Variants in TECPR2 observed in about 807,000 individuals in gnomAD.
TECPR2 encodes tectonin beta-propeller repeat-containing protein 2.
In TECPR2, 65 loss-of-function variants were observed where a neutral mutation model predicts 138.1. That is an observed-to-expected ratio of 0.47 (90% CI 0.39 to 0.58). The LOEUF is 0.58. TECPR2 is among the 20% of genes least tolerant of loss of function. The pLI, the probability that TECPR2 is intolerant of heterozygous loss-of-function variation, is 0.00. For synonymous variants in TECPR2, 746 were observed against 749.8 expected, an observed-to-expected ratio of 0.99 and a Z score of 0.08; for missense variants, 1,553 against 1,824.5, an observed-to-expected ratio of 0.85 and a Z score of 2.71.
intron 17 of TECPR2, among the ~76,000 whole-genome samples, chr14:102,472,439 A>G (rs1448363328): frequency 1.3e-5 from 2 of 152,224 alleles, no homozygotes; most frequent in Non-Finnish European, 2.9e-5. Flanking sequence ...ACAAATTCAC[A>G]TGAAAGGACC....
chr14:102,453,314 A>C (rs993239810), intron 16 of TECPR2, among the ~76,000 whole-genome samples: 1 of 152,018 alleles, frequency 6.6e-6, no homozygotes, highest in Non-Finnish European at 1.5e-5. Context: ...TGTCTCTACT[A>C]AAAATACAAA....
At chr14:102,483,354 C>T (rs890151867) in intron 17 of TECPR2, among the ~76,000 whole-genome samples, 21 of 151,858 alleles carry the variant, frequency 1.4e-4, no homozygotes, top group Non-Finnish European at 1.2e-4. Context: ...TCTTCTGCCC[C>T]GCCTCTCTTG....
chr14:102,433,526 T>A (rs1466339711), intron 8 of TECPR2, among the ~76,000 whole-genome samples: 3 of 133,976 alleles, frequency 2.2e-5, no homozygotes, highest in African/African-American at 7.6e-5. Flanking sequence ...TTATTTATTT[T>A]TTAATTTATT....
At chr14:102,384,280 A>G (rs909851693) in intron 2 of TECPR2, among the ~76,000 whole-genome samples, 16 of 151,960 alleles carry the variant, frequency 1.1e-4, no homozygotes, top group East Asian at 3.9e-4. Context: ...TTGGCCCACA[A>G]TTCTGTAGCT....
At chr14:102,492,982 C>T (rs1047168555) in intron 17 of TECPR2, among the ~76,000 whole-genome samples, 9 of 152,156 alleles carry the variant, frequency 5.9e-5, no homozygotes, top group African/African-American at 1.2e-4. Context: ...GAAAGGGATG[C>T]GGGGTAGCCA....
At chr14:102,451,551 T>C (rs1890139893) in intron 15 of TECPR2, among the ~76,000 whole-genome samples, 1 of 152,134 alleles carries the variant, frequency 6.6e-6, no homozygotes, top group Non-Finnish European at 1.5e-5. Flanking sequence ...CAGCCTTGGT[T>C]GATCTGTTGG....
At chr14:102,448,928 A>C (rs1360295458) in intron 13 of TECPR2, among the ~76,000 whole-genome samples, 1 of 152,136 alleles carries the variant, frequency 6.6e-6, no homozygotes, top group Admixed American at 6.6e-5. Flanking sequence ...TATGTTTCTA[A>C]GTACCGTATA....
chr14:102,432,215 G>T, intron 8 of TECPR2, 87 bp downstream of exon 8: 2 of 1,256,460 alleles, frequency 1.6e-6, no homozygotes, highest in South Asian at 1.6e-5. Flanking sequence ...AGTGAGCAAT[G>T]CTCCATACAT....
chr14:102,400,014 T>C (rs1294772589), intron 2 of TECPR2, among the ~76,000 whole-genome samples: 2 of 151,780 alleles, frequency 1.3e-5, no homozygotes, highest in African/African-American at 4.8e-5. Flanking sequence ...AGTATTGTAA[T>C]GTTGGTTTGT....
At position 102,383,462 on chromosome 14, in the gene TECPR2, C is replaced by T. The variant is rs546249590; in HGVS notation, c.219+6522C>T. ...TCACTCTGTCTCCCAGGCTGGAGTGCAGTGGAGCGATCTCAGCCCACTGCA... is the reference window on the plus strand; with the variant it reads ...TCACTCTGTCTCCCAGGCTGGAGTGTAGTGGAGCGATCTCAGCCCACTGCA... On this transcript the variant is annotated intron_variant, in intron 2 of 19. Coordinates refer to ENST00000359520, the MANE Select transcript of TECPR2 (RefSeq NM_014844.5). Among the ~76,000 whole-genome samples the T allele has an allele frequency of 3.3e-5, 5 of 151,308 alleles. No individual in the cohort carries two copies. In the South Asian group the frequency reaches 1.0e-3, roughly 32 times the overall value.
chr14:102,498,182 G>A lies in TECPR2; in HGVS notation c.4161G>A (p.Ser1387=), dbSNP rs150885756. 94 of 1,611,552 alleles carry A rather than the reference G, an allele frequency of 5.8e-5. No individual in the cohort carries two copies. The Middle Eastern group carries it at 6.6e-4, about 11-fold the overall frequency. Residue 1387 remains serine, a synonymous_variant, in exon 20 of 20, where the codon TCG becomes TCA. Transcript: ENST00000359520. The stretch of plus-strand genomic sequence containing the variant: ...GGCTGACAAAGACGTTCAGCCACTC[G>A]CACGGCACCCAGAAGAGCAGCCAGG... The part of the protein sequence containing the change: ...LQRLTKTFSH[S]HGTQKSSQAA...
In TECPR2 at chr14:102,499,945, T is replaced by C. The variant is rs899417491; in HGVS notation, c.*1688T>C. The C allele has an allele frequency of 1.3e-5, 2 of 152,720 alleles. No individual in the cohort carries two copies. Among genetic ancestry groups the C allele is most frequent in the East Asian group, 1.9e-4 (1 of 5,196 alleles). 9.5% of individuals were successfully genotyped at this position (152,720 alleles called of 1,614,324 possible). On this transcript the variant is annotated 3_prime_UTR_variant, in exon 20 of 20. Transcript: ENST00000359520. Reference sequence around the variant, plus strand: ...CCTTTTCTAGAACCTTTTGTAAAAGTTGGTGGCAGCAGAGGCAGCCCCAGG... The same window carrying C: ...CCTTTTCTAGAACCTTTTGTAAAAGCTGGTGGCAGCAGAGGCAGCCCCAGG...
rs1247861941 is a variant in TECPR2 at position 102,438,210 on chromosome 14, G to A, written c.2578+5G>A. 7 of 1,599,432 alleles carry A rather than the reference G, an allele frequency of 4.4e-6. No homozygotes were observed. Among genetic ancestry groups the A allele is most frequent in the South Asian group, 1.1e-5 (1 of 90,462 alleles). On this transcript the variant is annotated splice_donor_5th_base_variant and intron_variant, in intron 10 of 19. Transcript: ENST00000359520. ...AGGTGGCAGTCTCGCCCTCAGGTTC[G>A]CCTCCCCGCTCCCTGCTCCCGCTCC...
rs981560035 is a variant in TECPR2 at position 102,443,479 on chromosome 14, C to T, written c.2753-168C>T. ...CAGCCTGGGCAACGTAGAAAGGCCC[C>T]GTCTATATTTTTAATTAATTAATTA... On this transcript the variant is annotated intron_variant, in intron 11 of 19. Coordinates refer to ENST00000359520, the MANE Select transcript of TECPR2 (RefSeq NM_014844.5). The surrounding 1 kb of genome is among the most constrained non-coding windows in gnomAD (Gnocchi z 4.9). 1.3e-5 allele frequency among the ~76,000 whole-genome samples: 2 copies of T among 151,832 alleles called. No individual in the cohort carries two copies. Among genetic ancestry groups the T allele is most frequent in the African/African-American group, 4.8e-5 (2 of 41,336 alleles).
intron 4 of TECPR2, among the ~76,000 whole-genome samples, chr14:102,411,930 T>C (rs1314374112): frequency 6.6e-6 from 1 of 151,928 alleles, no homozygotes; most frequent in African/African-American, 2.4e-5. Flanking sequence ...GCTTTAAAGG[T>C]TACGGTGACA....
intron 16 of TECPR2, among the ~76,000 whole-genome samples, chr14:102,458,062 C>T (rs1313670667): frequency 2.6e-5 from 4 of 151,780 alleles, no homozygotes; most frequent in Admixed American, 6.6e-5. Flanking sequence ...TTAGTAGAGA[C>T]GGTGTTTCAC....
intron 2 of TECPR2, among the ~76,000 whole-genome samples, chr14:102,401,648 CAA>C (rs1311967258): frequency 6.7e-6 from 1 of 149,812 alleles, no homozygotes; most frequent in Admixed American, 6.7e-5. Flanking sequence ...TTAAAAAATA[CAA>C]AAAAATTAGC....
At chr14:102,370,617 G>A (rs763326060) in intron 1 of TECPR2, among the ~76,000 whole-genome samples, 1 of 152,218 alleles carries the variant, frequency 6.6e-6, no homozygotes. Context: ...GATCACCAAG[G>A]TTCTTGTAAG....
chr14:102,433,111 T>C lies in TECPR2; in HGVS notation c.1417+983T>C, dbSNP rs563842309. The stretch of plus-strand genomic sequence containing the variant: ...GTGGAAACCAGAAGATCTATGCTGG[T>C]AAATACTTGGGACATTTTATGTTTA... On this transcript the variant is annotated intron_variant, in intron 8 of 19. Transcript: ENST00000359520. Among the ~76,000 whole-genome samples the C allele has an allele frequency of 5.9e-5, 9 of 152,230 alleles. No homozygotes were observed. The South Asian group carries it at 1.9e-3, about 32-fold the overall frequency.
Sources: gnomAD v4.1 joint callset for allele counts (sites outside exome capture counted in the v4.1 genomes callset) on GRCh38, gnomAD v4.1.1 for gene constraint, Gnocchi (gnomAD v3.1) non-coding constraint, MANE v1.5 for transcripts, NCBI Gene and HGNC (gene_info 2026-07-23, HGNC 2026-07-21) for gene names.